The following DPH6 variants were observed in gnomAD, a reference collection of about 807,000 sequenced individuals.
The protein encoded by DPH6 is diphthamine biosynthesis 6.
Under a neutral mutation model 38.2 loss-of-function variants are expected in DPH6, and 33 were observed. The ratio of observed to expected loss-of-function variants is 0.86; its 90% CI spans 0.65 to 1.15. The LOEUF is 1.15. Among genes scored for constraint, DPH6 ranks in the 50% most tolerant of loss-of-function variants. The pLI is 0.00. For missense variants in DPH6, 325 were observed against 320.0 expected (o/e 1.02, Z -0.12); for synonymous variants, 108 against 103.0 (o/e 1.05, Z -0.30).
chr15:35,198,556 G>C, the DPH6 span, among the ~76,000 whole-genome samples: 1 of 152,156 alleles, frequency 6.6e-6, no homozygotes, highest in Non-Finnish European at 1.5e-5. Context: ...TCTACTCTTC[G>C]AGTCAAGTGT....
Position 35,323,855 on chromosome 15 carries a change from C to A in DPH6, n.200+49666G>T, listed in dbSNP as rs570599720. ...CCGGAAATAATTTTATAACATATGA[C>A]AAATTTCTACACTTAAATTTCTCAT... On this transcript the variant is annotated intron_variant and non_coding_transcript_variant, in intron 3 of 3. Coordinates refer to the DPH6 transcript ENST00000560386. Among the ~76,000 whole-genome samples, 3 of 152,236 alleles carry A rather than the reference C, an allele frequency of 2.0e-5. No individual in the cohort carries two copies. In the South Asian group the frequency reaches 6.2e-4, roughly 32 times the overall value.
At chr15:35,484,831 T>C (rs879756223) in intron 3 of DPH6, among the ~76,000 whole-genome samples, 4 of 152,202 alleles carry the variant, frequency 2.6e-5, no homozygotes, top group Non-Finnish European at 4.4e-5. Flanking sequence ...AGTTATATTA[T>C]TCCTTCCACT....
rs541317227 is a variant in DPH6, at chr15:35,346,697, G to A, written n.208-15620C>T. 2.3e-3 allele frequency among the ~76,000 whole-genome samples: 357 copies of A among 152,130 alleles called. 1 individual carries two copies. The highest frequency in any genetic ancestry group is 8.0e-3 in the African/African-American group (333 of 41,532). ...TTGTTGTTTACCTACCTTCTTAAGA[G>A]GAATGCTTAGGTCATTGATTTTCAG... On this transcript the variant is annotated intron_variant and non_coding_transcript_variant, in intron 3 of 3. Coordinates refer to the DPH6 transcript ENST00000558973.
the DPH6 span, among the ~76,000 whole-genome samples, chr15:35,201,116 CTATTTTA>C: frequency 1.4e-5 from 2 of 145,002 alleles, no homozygotes; most frequent in Non-Finnish European, 3.0e-5. Context: ...CATATTTTTT[CTATTTTA>C]TGAGTATTTA....
chr15:35,292,213 A>G (rs1008570105), intron 3 of DPH6, among the ~76,000 whole-genome samples: 1 of 152,308 alleles, frequency 6.6e-6, no homozygotes, highest in South Asian at 2.1e-4. Context: ...TATTCTTTAT[A>G]GTTGTATCCA....
intron 3 of DPH6, among the ~76,000 whole-genome samples, chr15:35,300,437 G>A (rs1201605507): frequency 1.3e-5 from 2 of 152,158 alleles, no homozygotes; most frequent in Admixed American, 6.5e-5. Flanking sequence ...AAGGTAGCTC[G>A]GGTTATGATT....
exon 4 of DPH6, chr15:35,219,714 T>C (rs921007192): frequency 6.6e-6 from 1 of 152,162 alleles, no homozygotes; most frequent in Non-Finnish European, 1.5e-5. Flanking sequence ...AACAAGTACA[T>C]TGACAAAGTC....
chr15:35,379,221 C>A (rs954648649), intron 7 of DPH6, among the ~76,000 whole-genome samples: 1 of 152,114 alleles, frequency 6.6e-6, no homozygotes, highest in South Asian at 2.1e-4. Flanking sequence ...CCTCCCTCAC[C>A]TCAAAAAAGA....
chr15:35,518,717 G>A (rs2054881465), intron 3 of DPH6, among the ~76,000 whole-genome samples: 1 of 151,854 alleles, frequency 6.6e-6, no homozygotes, highest in Non-Finnish European at 1.5e-5. Context: ...TGCCAGATAG[G>A]ACTTTTAAAA....
intron 3 of DPH6, among the ~76,000 whole-genome samples, chr15:35,494,225 C>A (rs1419517928): frequency 6.6e-6 from 1 of 152,058 alleles, no homozygotes; most frequent in East Asian, 1.9e-4. Flanking sequence ...ATATTACTGC[C>A]ATTAATACTA....
At chr15:35,427,511 G>C (rs1332117756) in intron 5 of DPH6, among the ~76,000 whole-genome samples, 1 of 151,858 alleles carries the variant, frequency 6.6e-6, no homozygotes, top group Non-Finnish European at 1.5e-5. Flanking sequence ...TTACAGACCA[G>C]AGGCTCTCTT....
At chr15:35,244,943 T>A (rs2051625571) in intron 3 of DPH6, among the ~76,000 whole-genome samples, 1 of 152,212 alleles carries the variant, frequency 6.6e-6, no homozygotes, top group Non-Finnish European at 1.5e-5. Flanking sequence ...CCAGCTACAA[T>A]GTTTTATGAT....
At chr15:35,409,369 A>C (rs930655336) in intron 6 of DPH6, among the ~76,000 whole-genome samples, 6 of 152,002 alleles carry the variant, frequency 3.9e-5, no homozygotes, top group African/African-American at 1.4e-4. Flanking sequence ...AGGGAAATAC[A>C]AGATTGCCAG....
At chr15:35,428,848 C>T (rs1395667037) in intron 5 of DPH6, among the ~76,000 whole-genome samples, 1 of 152,098 alleles carries the variant, frequency 6.6e-6, no homozygotes, top group East Asian at 1.9e-4. Context: ...ACTCTCTACT[C>T]ACCGAATTAC....
chr15:35,454,225 C>T (rs4923686), intron 4 of DPH6, among the ~76,000 whole-genome samples: 4 of 151,946 alleles, frequency 2.6e-5, no homozygotes, highest in Admixed American at 6.6e-5. Context: ...GGAGTAGAGA[C>T]GGGCTAGGAC....
At chr15:35,300,851 CATTATGATGAGTCCTGT>C (rs1223680480) in intron 3 of DPH6, among the ~76,000 whole-genome samples, 1 of 152,166 alleles carries the variant, frequency 6.6e-6, no homozygotes, top group African/African-American at 2.4e-5. Flanking sequence ...ATGGCATCAT[CATTATGATGAGTCCTGT>C]ACTTCACCCC....
chr15:35,159,565 T>A, the DPH6 span, among the ~76,000 whole-genome samples: 1 of 151,236 alleles, frequency 6.6e-6, no homozygotes, highest in Non-Finnish European at 1.5e-5. Flanking sequence ...AAATAACAGG[T>A]GTTGGCAGAA....
intron 5 of DPH6, among the ~76,000 whole-genome samples, chr15:35,430,191 T>C (rs1198801100): frequency 6.6e-6 from 1 of 152,152 alleles, no homozygotes; most frequent in African/African-American, 2.4e-5. Context: ...GTCATGTGAA[T>C]GCTAATGAAG....
intron 7 of DPH6, among the ~76,000 whole-genome samples, chr15:35,374,820 G>C (rs908993081): frequency 6.6e-6 from 1 of 152,078 alleles, no homozygotes; most frequent in Non-Finnish European, 1.5e-5. Flanking sequence ...AGCAGCAGCA[G>C]AAAGAGAAAG....
Sources: gnomAD v4.1 joint callset for allele counts (sites outside exome capture counted in the v4.1 genomes callset) on GRCh38, gnomAD v4.1.1 for gene constraint, MANE v1.5 for transcripts, NCBI Gene and HGNC (gene_info 2026-07-23, HGNC 2026-07-21) for gene names.